BAG4: variants seen among roughly 807,000 people sequenced by gnomAD.
BAG4 encodes the protein BAG cochaperone 4.
BAG4 carries 28 observed loss-of-function variants against 52.1 expected under a neutral mutation model. That is an observed-to-expected ratio of 0.54 (90% CI 0.40 to 0.74). The LOEUF (loss-of-function observed/expected upper bound fraction) is 0.74, where lower values mean the gene tolerates loss of function less well. BAG4 is among the 30% of genes least tolerant of loss of function. BAG4 has a pLI of 0.00. For missense variants in BAG4, 525 were observed against 572.0 expected, an observed-to-expected ratio of 0.92 and a Z score of 0.84; for synonymous variants, 208 against 217.0, an observed-to-expected ratio of 0.96 and a Z score of 0.37.
intron 2 of BAG4, among the ~76,000 whole-genome samples, chr8:38,200,125 T>A (rs755735709): frequency 6.6e-6 from 1 of 151,682 alleles, no homozygotes; most frequent in Non-Finnish European, 1.5e-5. Context: ...TGCCTCAGCC[T>A]CCCGAGTAGC....
chr8:38,209,069 A>G lies in BAG4; in HGVS notation c.690A>G (p.Pro230=). Residue 230 remains proline, a synonymous_variant, in exon 4 of 5, where the codon CCA becomes CCG. Coordinates refer to ENST00000287322, the MANE Select transcript of BAG4 (RefSeq NM_004874.4). ...ATGGAGATGGTAATCGTAGTGTTCC[A>G]CAATCAGGACCGACTGTACGACCAC... ...YPYGDGNRSV[P]QSGPTVRPQE... is the part of the protein sequence containing the mutation. 2 of 1,614,156 alleles carry G rather than the reference A, an allele frequency of 1.2e-6. No individual in the cohort carries two copies. The highest frequency in any genetic ancestry group is 1.1e-5 in the South Asian group (1 of 91,080).
intron 2 of BAG4, among the ~76,000 whole-genome samples, chr8:38,203,791 T>C (rs1383295284): frequency 1.4e-5 from 2 of 145,096 alleles, no homozygotes; most frequent in African/African-American, 5.2e-5. Context: ...GCTATGATGG[T>C]GCCACTGTAC....
intron 1 of BAG4, among the ~76,000 whole-genome samples, chr8:38,179,456 C>G (rs567621131): frequency 1.3e-3 from 193 of 151,822 alleles, no homozygotes; most frequent in African/African-American, 4.4e-3. Flanking sequence ...AGTGCCCGGC[C>G]AAGATTAATT....
Position 38,210,742 on chromosome 8 carries a change from C to T in BAG4, c.*249C>T, listed in dbSNP as rs2130694806. On this transcript the variant is annotated 3_prime_UTR_variant, in exon 5 of 5. Transcript: ENST00000287322. ...ACCAATATTGCCAAGTAGACTCACT[C>T]CTTAAAAAATTTATGGATATCTACA... 2.9e-6 allele frequency: 1 copy of T among 349,300 alleles called. No individual in the cohort carries two copies. The highest frequency in any genetic ancestry group is 4.9e-6 in the Non-Finnish European group (1 of 203,206). 21.6% of individuals were successfully genotyped at this position (349,300 alleles called of 1,614,324 possible). A position where few individuals can be genotyped will look rare whatever the true frequency, so the allele number is the denominator to read the frequency against.
Position 38,187,381 on chromosome 8 carries a change from A to G in BAG4, c.271-5307A>G, listed in dbSNP as rs80271007. Among the ~76,000 whole-genome samples, 1,254 of 152,328 alleles carry G rather than the reference A, an allele frequency of 8.2e-3. 7 individuals are homozygous for G. Among genetic ancestry groups the G allele is most frequent in the Non-Finnish European group, 0.013 (885 of 68,022 alleles). ...CAGAAGAAAGAATTCATGAATTTGA[A>G]GATAGATCAATACAGATTATGCAAT... is the stretch of plus-strand genomic sequence containing the variant. On this transcript the variant is annotated intron_variant, in intron 1 of 4. Transcript: ENST00000287322.
Position 38,197,025 on chromosome 8 carries a change from C to T in BAG4, c.378+4230C>T, listed in dbSNP as rs188352031. Among the ~76,000 whole-genome samples the T allele has an allele frequency of 1.2e-4, 19 of 152,022 alleles. No homozygotes were observed. In the East Asian group the frequency reaches 2.9e-3, roughly 23 times the overall value. ...CCAGGAGGCAGAGGTTACAGTGAGC[C>T]GAGATGAGATCACGCCATTGCACTC... On this transcript the variant is annotated intron_variant, in intron 2 of 4. Transcript: ENST00000287322.
chr8:38,197,169 A>C (rs1353895845), intron 2 of BAG4, among the ~76,000 whole-genome samples: 1 of 152,190 alleles, frequency 6.6e-6, no homozygotes, highest in African/African-American at 2.4e-5. Flanking sequence ...TCTAGATACA[A>C]GTTTCTTATC....
chr8:38,183,518 A>G (rs997334394), intron 1 of BAG4, among the ~76,000 whole-genome samples: 13 of 152,128 alleles, frequency 8.5e-5, no homozygotes, highest in African/African-American at 2.9e-4. Context: ...AGCTGCCACA[A>G]TCAGACAGAC....
chr8:38,179,077 GGT>G (rs1803219713), intron 1 of BAG4, among the ~76,000 whole-genome samples: 3 of 152,082 alleles, frequency 2.0e-5, no homozygotes, highest in Non-Finnish European at 4.4e-5. Flanking sequence ...ATTTTAAAAG[GGT>G]AGAGTTTATA....
chr8:38,185,273 T>TACTTATAAAATGAGTTCATATAA (rs1272673060), intron 1 of BAG4, among the ~76,000 whole-genome samples: 3 of 151,966 alleles, frequency 2.0e-5, no homozygotes, highest in Non-Finnish European at 4.4e-5. Flanking sequence ...AATAGAAAAA[T>TACTTATAAAATGAGTTCATATAA]AAATGAGTTC....
At chr8:38,181,661 T>A (rs1303747878) in intron 1 of BAG4, among the ~76,000 whole-genome samples, 1 of 151,440 alleles carries the variant, frequency 6.6e-6, no homozygotes, top group East Asian at 2.0e-4. Flanking sequence ...CACTTGAACC[T>A]GGGAGATGGA....
chr8:38,189,254 T>C (rs1007095615), intron 1 of BAG4, among the ~76,000 whole-genome samples: 2 of 152,114 alleles, frequency 1.3e-5, no homozygotes, highest in African/African-American at 4.8e-5. Flanking sequence ...CTGAATTATA[T>C]ACTTTAAATA....
chr8:38,211,996 C>T lies in BAG4; in HGVS notation c.*1503C>T, dbSNP rs746578011. 6.6e-6 allele frequency: 1 copy of T among 152,088 alleles called. No individual in the cohort carries two copies. The highest frequency in any genetic ancestry group is 1.5e-5 in the Non-Finnish European group (1 of 67,988). 9.4% of individuals were successfully genotyped at this position (152,088 alleles called of 1,614,324 possible). A position where few individuals can be genotyped will look rare whatever the true frequency, so the allele number is the denominator to read the frequency against. ...ACTAAATCTATTAGCTGTCCCCACT[C>T]ATAAACCAAACCAAACCAATACAAA... is the stretch of plus-strand genomic sequence containing the variant. On this transcript the variant is annotated 3_prime_UTR_variant, in exon 5 of 5. Transcript: ENST00000287322.
At chr8:38,201,852 A>T (rs1452587562) in intron 2 of BAG4, 4 of 3,664 alleles carry the variant, frequency 1.1e-3, no homozygotes, top group Non-Finnish European at 3.4e-3. Context: ...ATATATATAT[A>T]TATATATATA....
chr8:38,191,925 A>G (rs1165601087), intron 1 of BAG4, among the ~76,000 whole-genome samples: 1 of 152,206 alleles, frequency 6.6e-6, no homozygotes, highest in Non-Finnish European at 1.5e-5. Context: ...TCATGCGTTA[A>G]CTTTCTGAGT....
intron 1 of BAG4, among the ~76,000 whole-genome samples, chr8:38,187,755 G>A (rs554207789): frequency 3.3e-5 from 5 of 151,774 alleles, no homozygotes; most frequent in Admixed American, 2.0e-4. Context: ...GGGTGCTGTG[G>A]CTCACGCCTG....
rs757116363 is a variant in BAG4, at chr8:38,192,675, C to CT, written c.271-6dup. The CT allele has an allele frequency of 3.8e-6, 6 of 1,577,680 alleles. No homozygotes were observed. Among genetic ancestry groups the CT allele is most frequent in the Non-Finnish European group, 5.2e-6 (6 of 1,157,466 alleles). ...TGTTATTAAGAGTGAATTTATTTTT[C>CT]TTTTTTTCTTAGGAGCAGCCACCAT... On this transcript the variant is annotated splice_polypyrimidine_tract_variant and intron_variant, in intron 1 of 4. Transcript: ENST00000287322.
rs140547293 is a variant in BAG4 at position 38,210,041 on chromosome 8, A to T, written c.922A>T (p.Ser308Cys). The T allele has an allele frequency of 8.7e-6, 14 of 1,614,086 alleles. No individual in the cohort carries two copies. The African/African-American group carries it at 1.9e-4, about 22-fold the overall frequency. The change falls in exon 5 of 5, where the codon AGC (serine) becomes TGC (cysteine). Residue 308 changes from serine to cysteine, a missense_variant. Around this residue, in one of 2 missense-constraint regions of BAG4, gnomAD observed 238 missense variants for 305.8 expected, o/e 0.78. Coordinates refer to ENST00000287322, the MANE Select transcript of BAG4 (RefSeq NM_004874.4). Reference sequence around the variant, plus strand: ...ATACCCCTATAGCCAATCAGATCAAAGCATGAACCGGCACAACTTTCCTTG... The same window carrying T: ...ATACCCCTATAGCCAATCAGATCAATGCATGAACCGGCACAACTTTCCTTG... ...SSYPYSQSDQ[S>C]MNRHNFPCSV...
intron 4 of BAG4, 124 bp downstream of exon 4, chr8:38,209,391 A>C (rs1803830662): frequency 3.1e-6 from 4 of 1,305,400 alleles, no homozygotes; most frequent in East Asian, 2.4e-5. Context: ...GTGACTACTT[A>C]TCTATAGCTT....
Sources: allele counts gnomAD v4.1 joint callset (sites outside exome capture counted in the v4.1 genomes callset), GRCh38; gene constraint gnomAD v4.1.1; regional missense constraint gnomAD v4.1.1; transcripts MANE v1.5; gene names NCBI Gene and HGNC (gene_info 2026-07-23, HGNC 2026-07-21).